Variants in CASD1 observed in about 807,000 individuals in gnomAD.
The protein encoded by CASD1 is CAS1 domain sialic acid O acetyltransferase 1.
Under a neutral mutation model 100.0 loss-of-function variants are expected in CASD1, and 41 were observed. The observed-to-expected ratio is 0.41, with a 90% CI of 0.32 to 0.53. The LOEUF (loss-of-function observed/expected upper bound fraction) is 0.53, where lower values mean the gene tolerates loss of function less well. Ranked by LOEUF, CASD1 falls within the 20% of genes least tolerant of loss-of-function variation. The pLI, the probability that CASD1 is intolerant of heterozygous loss-of-function variation, is 0.25. For missense variants in CASD1, 774 were observed against 948.7 expected, an observed-to-expected ratio of 0.82 and a Z score of 2.42; for synonymous variants, 321 against 315.6, an observed-to-expected ratio of 1.02 and a Z score of -0.18.
chr7:94,528,400 A>G (rs1794683048), intron 5 of CASD1, 150 bp downstream of exon 5: 4 of 526,888 alleles, frequency 7.6e-6, no homozygotes, highest in Non-Finnish European at 1.3e-5. Context: ...GACTGATTCT[A>G]GCACTTCATT....
chr7:94,537,566 A>G lies in CASD1; in HGVS notation c.938A>G (p.Gln313Arg). Residue 313 changes from glutamine to arginine, a missense_variant, in exon 9 of 18, where the codon CAG becomes CGG. Around this residue, in one of 5 missense-constraint regions of CASD1, gnomAD observed 453 missense variants for 532.6 expected, o/e 0.85. Transcript: ENST00000297273. ...CQPRPPVTLI[Q>R]KLAACFFTLS... is the part of the protein sequence containing the mutation. ...CCTCGGCCTCCTGTTACTCTCATAC[A>G]GAAGCTAGCTGCTTGTTTTTTCACT... The G allele has an allele frequency of 1.2e-6, 2 of 1,613,974 alleles. No homozygotes were observed. The highest frequency in any genetic ancestry group is 8.5e-7 in the Non-Finnish European group (1 of 1,179,884).
In CASD1 at chr7:94,555,561, A is replaced by C. The variant is rs779498871; in HGVS notation, c.2197A>C (p.Asn733His). The C allele has an allele frequency of 6.2e-7, 1 of 1,613,448 alleles. No homozygotes were observed. The highest frequency in any genetic ancestry group is 2.2e-5 in the East Asian group (1 of 44,814). Reference protein sequence around the residue: ...TRGILVLIPGNPMLNIIVSTF... With the variant: ...TRGILVLIPGHPMLNIIVSTF... ...GGGTATCTTGGTACTGATACCTGGA[A>C]ACCCTATGCTCAACATCATTGTCAG... Residue 733 changes from asparagine (N) to histidine (H), a missense_variant, in exon 18 of 18, where the codon AAC becomes CAC. Physicochemically the swap from Asn to His is moderately conservative, Grantham distance 68 (BLOSUM62 1). Transcript: ENST00000297273.
At chr7:94,623,707 G>A in the CASD1 span, 5 of 406,552 alleles carry the variant, frequency 1.2e-5, no homozygotes, top group Non-Finnish European at 2.2e-5. Flanking sequence ...TAACCATTAT[G>A]AATTACTTAC....
the CASD1 span, among the ~76,000 whole-genome samples, chr7:94,569,475 G>C: frequency 6.6e-6 from 1 of 152,232 alleles, no homozygotes; most frequent in African/African-American, 2.4e-5. Flanking sequence ...TTTTTAAAAA[G>C]ACAGGGTCTC....
At chr7:94,615,816 C>T in the CASD1 span, among the ~76,000 whole-genome samples, 2 of 152,142 alleles carry the variant, frequency 1.3e-5, no homozygotes, top group Admixed American at 6.6e-5. Context: ...CCATGACATG[C>T]CTGGAATGAA....
At chr7:94,620,402 G>A in the CASD1 span, 2 of 150,724 alleles carry the variant, frequency 1.3e-5, no homozygotes, top group African/African-American at 2.5e-5. Flanking sequence ...TTAATGTATA[G>A]CCCATCTGCA....
At chr7:94,625,232 A>G in the CASD1 span, 3 of 152,054 alleles carry the variant, frequency 2.0e-5, no homozygotes, top group Non-Finnish European at 2.9e-5. Flanking sequence ...AATATTATAT[A>G]TTTAAGATAC....
intron 10 of CASD1, among the ~76,000 whole-genome samples, chr7:94,542,230 C>T (rs535859320): frequency 6.6e-6 from 1 of 152,248 alleles, no homozygotes; most frequent in South Asian, 2.1e-4. Flanking sequence ...ATTTATAGAG[C>T]CATCAGATAT....
chr7:94,516,208 T>C (rs1477731307), intron 1 of CASD1, among the ~76,000 whole-genome samples: 1 of 152,112 alleles, frequency 6.6e-6, no homozygotes, highest in Non-Finnish European at 1.5e-5. Flanking sequence ...TAATAATTGA[T>C]ACCCTGCTTT....
chr7:94,614,107 C>CAAAAAAA, the CASD1 span, among the ~76,000 whole-genome samples: 13 of 94,944 alleles, frequency 1.4e-4, no homozygotes, highest in African/African-American at 1.9e-4. Context: ...AAATTGAAAT[C>CAAAAAAA]AAAAAAAAAA....
chr7:94,598,763 G>A, the CASD1 span: 4 of 1,571,184 alleles, frequency 2.5e-6, no homozygotes, highest in Admixed American at 1.7e-5. Context: ...ATGGCTCTAA[G>A]TGGACACTTA....
chr7:94,561,357 C>T (rs1562954526), downstream of CASD1, among the ~76,000 whole-genome samples: 1 of 152,170 alleles, frequency 6.6e-6, no homozygotes, highest in African/African-American at 2.4e-5. Flanking sequence ...TCACTTCATT[C>T]AGATACCTCA....
At chr7:94,537,388 AACTC>A (rs1795171665) in intron 8 of CASD1, 80 bp from the exon 9 acceptor site, 1 of 1,254,084 alleles carries the variant, frequency 8.0e-7, no homozygotes, top group Non-Finnish European at 1.1e-6. Flanking sequence ...CAGTGCTAAA[AACTC>A]AGTAGTATTC....
the CASD1 span, among the ~76,000 whole-genome samples, chr7:94,613,323 ATGT>A: frequency 6.6e-6 from 1 of 152,208 alleles, no homozygotes; most frequent in African/African-American, 2.4e-5. Context: ...GTTTTTCATA[ATGT>A]TGTTTTCCTT....
chr7:94,600,815 G>A, the CASD1 span: 3 of 1,612,734 alleles, frequency 1.9e-6, no homozygotes, highest in South Asian at 1.1e-5. Context: ...CCCTCTCCAC[G>A]AATCACTTCC....
At chr7:94,523,777 GATTTGTTAT>G (rs1444273717) in intron 3 of CASD1, among the ~76,000 whole-genome samples, 1 of 152,098 alleles carries the variant, frequency 6.6e-6, no homozygotes, top group Non-Finnish European at 1.5e-5. Context: ...AGGTGGAAAG[GATTTGTTAT>G]ACAATATCAA....
At chr7:94,566,039 G>A in the CASD1 span, among the ~76,000 whole-genome samples, 1 of 152,154 alleles carries the variant, frequency 6.6e-6, no homozygotes, top group Admixed American at 6.5e-5. Flanking sequence ...CCGCTTCCAT[G>A]CCCAGTCATT....
At chr7:94,543,705 C>T (rs967315892) in intron 10 of CASD1, among the ~76,000 whole-genome samples, 2 of 150,230 alleles carry the variant, frequency 1.3e-5, no homozygotes, top group Non-Finnish European at 2.9e-5. Flanking sequence ...TGTGATTGTA[C>T]ACATAAAGGA....
At chr7:94,599,990 G>A in the CASD1 span, 1 of 341,218 alleles carries the variant, frequency 2.9e-6, no homozygotes, top group Non-Finnish European at 5.3e-6. Flanking sequence ...ATGACATAAT[G>A]AAATCAAGCT....
Sources: gnomAD v4.1 joint callset for allele counts (sites outside exome capture counted in the v4.1 genomes callset) on GRCh38, gnomAD v4.1.1 for gene constraint, gnomAD v4.1.1 regional missense constraint, MANE v1.5 for transcripts, NCBI Gene and HGNC (gene_info 2026-07-23, HGNC 2026-07-21) for gene names.